Variants in IL6R observed in about 807,000 individuals in gnomAD.
The protein encoded by IL6R is interleukin-6 receptor subunit alpha.
Under a neutral mutation model 48.3 loss-of-function variants are expected in IL6R, and 38 were observed. The ratio of observed to expected loss-of-function variants is 0.79; its 90% CI spans 0.61 to 1.03. The LOEUF (loss-of-function observed/expected upper bound fraction) is 1.03, where lower values mean the gene tolerates loss of function less well. IL6R is among the 50% of genes least tolerant of loss of function. IL6R has a pLI of 0.00. For missense variants in IL6R, 534 were observed against 618.3 expected (o/e 0.86, Z 1.45); for synonymous variants, 264 against 256.2 (o/e 1.03, Z -0.29).
rs1691563428 is a variant in IL6R, at chr1:154,466,658, G to A, written c.*1278G>A. The A allele has an allele frequency of 6.5e-6, 1 of 153,150 alleles. No homozygotes were observed. Among genetic ancestry groups the A allele is most frequent in the Middle Eastern group, 3.3e-3 (1 of 302 alleles). The allele number at this position is 153,150 out of a possible 1,614,324, so 9.5% of individuals were successfully genotyped here. The stretch of plus-strand genomic sequence containing the variant: ...AGTCCAGAAGTTTGAGATCAGCCTG[G>A]GCAATGTGATAAAACCCCATCTCTA... On this transcript the variant is annotated 3_prime_UTR_variant, in exon 10 of 10. Coordinates refer to ENST00000368485, the MANE Select transcript of IL6R (RefSeq NM_000565.4).
chr1:154,432,930 T>A (rs1689385671), intron 3 of IL6R, among the ~76,000 whole-genome samples: 1 of 152,190 alleles, frequency 6.6e-6, no homozygotes, highest in African/African-American at 2.4e-5. Context: ...TTTTCTCTTG[T>A]GTGTCTGCTT....
At chr1:154,460,675 G>A (rs2149275588) in intron 9 of IL6R, among the ~76,000 whole-genome samples, 1 of 152,246 alleles carries the variant, frequency 6.6e-6, no homozygotes, top group South Asian at 2.1e-4. Flanking sequence ...GCCATGAAGT[G>A]TACACACCCA....
intron 9 of IL6R, among the ~76,000 whole-genome samples, chr1:154,457,406 C>A (rs1460368290): frequency 1.3e-5 from 2 of 151,794 alleles, no homozygotes; most frequent in African/African-American, 4.8e-5. Context: ...TCCAAGGCGC[C>A]CAAGCAGGAC....
At chr1:154,422,787 C>T (rs749583289) in intron 1 of IL6R, among the ~76,000 whole-genome samples, 5 of 152,184 alleles carry the variant, frequency 3.3e-5, no homozygotes, top group South Asian at 2.1e-4. Flanking sequence ...TGTGTCAGGC[C>T]GGGGTGGGAG....
At chr1:154,463,673 C>A (rs1481751346) in intron 9 of IL6R, among the ~76,000 whole-genome samples, 9 of 152,188 alleles carry the variant, frequency 5.9e-5, no homozygotes, top group African/African-American at 1.9e-4. Flanking sequence ...GCACTGGCCA[C>A]CCTGGCACAG....
chr1:154,466,160 G>A lies in IL6R; in HGVS notation c.*780G>A, dbSNP rs887392868. The A allele has an allele frequency of 1.3e-5, 2 of 152,704 alleles. No homozygotes were observed. Among genetic ancestry groups the A allele is most frequent in the African/African-American group, 4.8e-5 (2 of 41,424 alleles). 9.5% of individuals were successfully genotyped at this position (152,704 alleles called of 1,614,324 possible). On this transcript the variant is annotated 3_prime_UTR_variant, in exon 10 of 10. Transcript: ENST00000368485. ...AGAAGCAGAGGAAGGAGAGGAGAGG[G>A]GCACAGGGTCTCTACCATCCCCTGT...
At chr1:154,415,944 G>A (rs983599373) in intron 1 of IL6R, among the ~76,000 whole-genome samples, 2 of 151,838 alleles carry the variant, frequency 1.3e-5, no homozygotes, top group Admixed American at 6.6e-5. Context: ...CAGCCTGGGC[G>A]ACAAGAGTAA....
intron 6 of IL6R, among the ~76,000 whole-genome samples, chr1:154,440,048 G>A (rs149219382): frequency 0.015 from 2,260 of 151,984 alleles, 25 homozygotes; most frequent in Non-Finnish European, 0.023. Context: ...GATTACAGGC[G>A]CCTGCCACCA....
At chr1:154,452,537 A>G (rs1163542627) in intron 8 of IL6R, among the ~76,000 whole-genome samples, 2 of 152,208 alleles carry the variant, frequency 1.3e-5, no homozygotes, top group African/African-American at 4.8e-5. Context: ...AATTTTTTTA[A>G]AAAACATTTG....
intron 5 of IL6R, 128 bp from the exon 6 acceptor site, chr1:154,435,841 T>G: frequency 1.4e-6 from 1 of 738,376 alleles, no homozygotes; most frequent in Non-Finnish European, 2.1e-6. Flanking sequence ...GCCTCTGGGG[T>G]TGTGGGAGCC....
At chr1:154,463,351 G>A (rs1390945630) in intron 9 of IL6R, among the ~76,000 whole-genome samples, 3 of 152,166 alleles carry the variant, frequency 2.0e-5, no homozygotes. Context: ...TGTCCACATG[G>A]TGAAGCCCTA....
chr1:154,418,239 G>A (rs772881127), intron 1 of IL6R, among the ~76,000 whole-genome samples: 2 of 152,196 alleles, frequency 1.3e-5, no homozygotes, highest in African/African-American at 2.4e-5. Context: ...TCTTGGACTG[G>A]AGCCAGGTGG....
At chr1:154,442,158 A>G (rs1689972080) in intron 6 of IL6R, among the ~76,000 whole-genome samples, 1 of 152,008 alleles carries the variant, frequency 6.6e-6, no homozygotes, top group African/African-American at 2.4e-5. Context: ...TGGTGGTTTT[A>G]GTATGTGCTT....
Position 154,465,022 on chromosome 1 carries a change from A to T in IL6R, c.1161-112A>T, listed in dbSNP as rs188599569. 6.8e-4 allele frequency: 871 copies of T among 1,274,328 alleles called. 1 individual carries two copies. Among genetic ancestry groups the T allele is most frequent in the Admixed American group, 2.1e-3 (116 of 54,074 alleles). The allele number at this position is 1,274,328 out of a possible 1,614,324, so 78.9% of individuals were successfully genotyped here. On this transcript the variant is annotated intron_variant, in intron 9 of 9. Transcript: ENST00000368485. ...ATAGTTATTGCTCCTTTGAGCCGAAACCTGGGCGCGCCAGGCCACCAGGGC... is the reference window on the plus strand; with the variant it reads ...ATAGTTATTGCTCCTTTGAGCCGAATCCTGGGCGCGCCAGGCCACCAGGGC...
intron 1 of IL6R, among the ~76,000 whole-genome samples, chr1:154,416,371 C>T (rs1688353018): frequency 6.6e-6 from 1 of 151,444 alleles, no homozygotes; most frequent in Admixed American, 6.6e-5. Context: ...TCTTGAGCTC[C>T]TGGTCTCAAG....
At chr1:154,448,848 A>AAC (rs1206732076) in intron 7 of IL6R, among the ~76,000 whole-genome samples, 1 of 144,078 alleles carries the variant, frequency 6.9e-6, no homozygotes, top group Non-Finnish European at 1.5e-5. Flanking sequence ...TCCTTATGTT[A>AAC]ACATTGCAAG....
Position 154,465,203 on chromosome 1 carries a change from G to C in IL6R, c.1230G>C (p.Leu410Phe). ...CAAGCATGCATCCGCCGTACTCTTT[G>C]GGGCAGCTGGTCCCGGAGAGGCCTC... Reference protein sequence around the residue: ...GKTSMHPPYSLGQLVPERPRP... With the variant: ...GKTSMHPPYSFGQLVPERPRP... Residue 410 changes from leucine to phenylalanine, a missense_variant, in exon 10 of 10, where the codon TTG becomes TTC. Transcript: ENST00000368485. The C allele has an allele frequency of 6.2e-7, 1 of 1,614,146 alleles. No individual in the cohort carries two copies. Among genetic ancestry groups the C allele is most frequent in the Non-Finnish European group, 8.5e-7 (1 of 1,180,028 alleles).
chr1:154,430,179 G>A (rs964984817), intron 2 of IL6R, among the ~76,000 whole-genome samples: 7 of 152,220 alleles, frequency 4.6e-5, no homozygotes, highest in Non-Finnish European at 7.3e-5. Context: ...AGGTCTGTGT[G>A]ACTCCAAAGC....
intron 1 of IL6R, among the ~76,000 whole-genome samples, chr1:154,426,076 GACACACACACACACAC>G (rs34280647): frequency 3.3e-5 from 4 of 119,880 alleles, no homozygotes; most frequent in Admixed American, 8.5e-5. Context: ...CCCTGTATCA[GACACACACACACACAC>G]ACACACACAC....
Sources: gnomAD v4.1 joint callset for allele counts (sites outside exome capture counted in the v4.1 genomes callset) on GRCh38, gnomAD v4.1.1 for gene constraint, MANE v1.5 for transcripts, NCBI Gene and HGNC (gene_info 2026-07-23, HGNC 2026-07-21) for gene names.